The following CLCN6 variants were observed in gnomAD, a reference collection of about 807,000 sequenced individuals.
The protein encoded by CLCN6 is Cl-/H+ antiporter 6, also known as H(+)/Cl(-) exchange transporter 6.
A neutral mutation model predicts 109.8 loss-of-function variants in CLCN6; 70 were observed. The ratio of observed to expected loss-of-function variants is 0.64; its 90% CI spans 0.53 to 0.78. The LOEUF (loss-of-function observed/expected upper bound fraction) is 0.78, where lower values mean the gene tolerates loss of function less well. Among genes scored for constraint, CLCN6 ranks in the 30% least tolerant of loss-of-function variants. CLCN6 has a pLI of 0.00. For missense variants in CLCN6, 984 were observed against 1,142.3 expected (o/e 0.86, Z 2.00); for synonymous variants, 444 against 447.8 (o/e 0.99, Z 0.11).
intron 2 of CLCN6, among the ~76,000 whole-genome samples, chr1:11,812,899 A>G (rs1644620366): frequency 6.6e-6 from 1 of 152,140 alleles, no homozygotes; most frequent in Admixed American, 6.5e-5. Flanking sequence ...AAATGTCATT[A>G]ACCAGGGAAC....
intron 18 of CLCN6, among the ~76,000 whole-genome samples, 153 bp downstream of exon 18, chr1:11,836,306 T>C (rs759471234): frequency 3.9e-5 from 6 of 151,972 alleles, no homozygotes; most frequent in Admixed American, 6.6e-5. Context: ...GGAGAGTAGA[T>C]TTGACAGCAG....
rs1341429574 is a variant in CLCN6, at chr1:11,823,692, G to C, written c.454-15G>C. 6.2e-7 allele frequency: 1 copy of C among 1,614,072 alleles called. No homozygotes were observed. The highest frequency in any genetic ancestry group is 1.3e-5 in the African/African-American group (1 of 75,048). ...TGGATTTCGAGTTATGGGTGTGCCTGCTCTCCTCCATCAGCCGGTGGCAGC... is the reference window on the plus strand; with the variant it reads ...TGGATTTCGAGTTATGGGTGTGCCTCCTCTCCTCCATCAGCCGGTGGCAGC... On this transcript the variant is annotated splice_polypyrimidine_tract_variant and intron_variant, in intron 6 of 22. Coordinates refer to ENST00000346436, the MANE Select transcript of CLCN6 (RefSeq NM_001286.5).
chr1:11,825,369 C>T (rs1644798533), intron 8 of CLCN6, among the ~76,000 whole-genome samples: 2 of 152,218 alleles, frequency 1.3e-5, no homozygotes, highest in Admixed American at 1.3e-4. Flanking sequence ...GTGGAGTGGG[C>T]ATCAGTGTGC....
intron 4 of CLCN6, among the ~76,000 whole-genome samples, chr1:11,817,850 C>T (rs927405133): frequency 4.6e-5 from 7 of 152,120 alleles, no homozygotes; most frequent in African/African-American, 1.4e-4. Flanking sequence ...ATAGTAAATC[C>T]ACAAGTAAAG....
rs1406129224 is a variant in CLCN6 at position 11,842,849 on chromosome 1, C to G, written c.*2626C>G. ...TGCAGAATTATGCACTGACATGACC[C>G]TGGGTGACAGGAAAGCCTTTCGAGA... On this transcript the variant is annotated 3_prime_UTR_variant, in exon 23 of 23. Coordinates refer to ENST00000346436, the MANE Select transcript of CLCN6 (RefSeq NM_001286.5). 4 of 152,292 alleles carry G rather than the reference C, an allele frequency of 2.6e-5. No individual in the cohort carries two copies. The highest frequency in any genetic ancestry group is 1.3e-4 in the Admixed American group (2 of 15,292). The allele number at this position is 152,292 out of a possible 1,614,324, so 9.4% of individuals were successfully genotyped here.
chr1:11,822,690 C>T lies in CLCN6; in HGVS notation c.347-5C>T, dbSNP rs772227762. On this transcript the variant is annotated splice_polypyrimidine_tract_variant and splice_region_variant and intron_variant, in intron 5 of 22. Coordinates refer to ENST00000346436, the MANE Select transcript of CLCN6 (RefSeq NM_001286.5). ...GAACAAGTTTCCTTAACCCAGTTTC[C>T]GCAGCGGTGGAGGAGTGCAGCCAGA... 252 of 1,599,600 alleles carry T rather than the reference C, an allele frequency of 1.6e-4. 3 individuals carry two copies. The South Asian group carries it at 1.6e-3, about 10-fold the overall frequency.
chr1:11,827,623 A>G (rs1295647935), intron 10 of CLCN6, among the ~76,000 whole-genome samples: 3 of 106,138 alleles, frequency 2.8e-5, no homozygotes, highest in African/African-American at 1.2e-4. Context: ...TTTAGTAGAG[A>G]TGGGGCTTCT....
At chr1:11,819,270 A>C (rs1298029276) in intron 4 of CLCN6, among the ~76,000 whole-genome samples, 1 of 151,950 alleles carries the variant, frequency 6.6e-6, no homozygotes, top group Non-Finnish European at 1.5e-5. Flanking sequence ...ACTTAGCTGT[A>C]CTCTCTGCCT....
At chr1:11,825,372 C>G (rs1010683476) in intron 8 of CLCN6, among the ~76,000 whole-genome samples, 1 of 152,234 alleles carries the variant, frequency 6.6e-6, no homozygotes, top group Non-Finnish European at 1.5e-5. Context: ...GAGTGGGCAT[C>G]AGTGTGCACC....
At chr1:11,840,006 C>T (rs1434484745) in intron 22 of CLCN6, 137 bp from the exon 23 acceptor site, 5 of 740,192 alleles carry the variant, frequency 6.8e-6, no homozygotes, top group East Asian at 2.5e-5. Context: ...GCTGTTTATC[C>T]CAATCAAGCT....
At position 11,836,143 on chromosome 1, in the gene CLCN6, T is replaced by C; in HGVS notation, c.1970T>C (p.Ile657Thr). ...GGCAACCAGCTCATCAGCAACAACA[T>C]CAAGTTCAAGGTAAAGAAAACGGCA... Reference protein sequence around the residue: ...MKGNQLISNNIKFKKSSILTR... With the variant: ...MKGNQLISNNTKFKKSSILTR... The change falls in exon 18 of 23, where the codon ATC (isoleucine) becomes ACC (threonine). Residue 657 changes from isoleucine to threonine, a missense_variant. Physicochemically the swap from Ile to Thr is moderately conservative, Grantham distance 89. Transcript: ENST00000346436. 6.2e-7 allele frequency: 1 copy of C among 1,612,340 alleles called. No individual in the cohort carries two copies. Among genetic ancestry groups the C allele is most frequent in the Middle Eastern group, 1.7e-4 (1 of 6,046 alleles).
chr1:11,840,469 C>G lies in CLCN6; in HGVS notation c.*246C>G, dbSNP rs374582976. On this transcript the variant is annotated 3_prime_UTR_variant, in exon 23 of 23. Transcript: ENST00000346436. ...CACTTCCTGCTCCCTGTGTTCCCAC[C>G]CTCCAGTGTTGGCACAGGCCCACCC... 22 of 570,518 alleles carry G rather than the reference C, an allele frequency of 3.9e-5. No individual in the cohort carries two copies. In the African/African-American group the frequency reaches 4.1e-4, roughly 11 times the overall value. The allele number at this position is 570,518 out of a possible 1,614,324, so 35.3% of individuals were successfully genotyped here. A position where few individuals can be genotyped will look rare whatever the true frequency, so the allele number is the denominator to read the frequency against.
chr1:11,817,696 G>A (rs2100618464), intron 4 of CLCN6, among the ~76,000 whole-genome samples: 1 of 152,286 alleles, frequency 6.6e-6, no homozygotes, highest in South Asian at 2.1e-4. Context: ...ACAGCCTGTT[G>A]ACCACCTTTA....
At chr1:11,835,084 G>A (rs111293470) in intron 17 of CLCN6, among the ~76,000 whole-genome samples, 3,686 of 152,326 alleles carry the variant, frequency 0.024, 64 homozygotes, top group Non-Finnish European at 0.038. Flanking sequence ...ACGGGGGCCA[G>A]CAAGCCGTTT....
chr1:11,824,607 G>T (rs1350008851), intron 8 of CLCN6, 54 bp downstream of exon 8: 2 of 1,471,244 alleles, frequency 1.4e-6, no homozygotes, highest in Non-Finnish European at 1.9e-6. Context: ...GGGAGGTCTG[G>T]TTACACTGGG....
chr1:11,831,534 AT>A (rs1309766873), intron 13 of CLCN6, among the ~76,000 whole-genome samples: 1 of 152,048 alleles, frequency 6.6e-6, no homozygotes, highest in Non-Finnish European at 1.5e-5. Context: ...CTTCTAAAAT[AT>A]TTACTGTCTG....
Position 11,819,516 on chromosome 1 carries a change from G to A in CLCN6, c.308G>A (p.Arg103Gln), listed in dbSNP as rs762928853. The A allele has an allele frequency of 4.3e-6, 7 of 1,614,006 alleles. No individual in the cohort carries two copies. Among genetic ancestry groups the A allele is most frequent in the East Asian group, 2.2e-5 (1 of 44,894 alleles). ...GGTCTCTTTGTGGACTTTTTTGTGC[G>A]ACTCTTCACCCAACTCAAGTTCGGA... The part of the protein sequence containing the change: ...LVGLFVDFFV[R>Q]LFTQLKFGVV... Residue 103 changes from arginine (R) to glutamine (Q), a missense_variant, in exon 5 of 23, where the codon CGA becomes CAA. Physicochemically the swap from Arg to Gln is conservative, Grantham distance 43. Coordinates refer to ENST00000346436, the MANE Select transcript of CLCN6 (RefSeq NM_001286.5).
At chr1:11,838,819 T>G (rs1457511914) in intron 22 of CLCN6, 159 bp downstream of exon 22, 1 of 1,066,310 alleles carries the variant, frequency 9.4e-7, no homozygotes, top group East Asian at 2.4e-5. Context: ...TTCCGTGCAC[T>G]CGGGACCCTT....
In CLCN6 at chr1:11,840,271, C is replaced by A; in HGVS notation, c.*48C>A. Reference sequence around the variant, plus strand: ...GTGCTGCCTGGGGAGGCAAATCATGCTCACTCCGGCGGGCACAGCTGGCTG... The same window carrying A: ...GTGCTGCCTGGGGAGGCAAATCATGATCACTCCGGCGGGCACAGCTGGCTG... On this transcript the variant is annotated 3_prime_UTR_variant, in exon 23 of 23. Transcript: ENST00000346436. 6.6e-7 allele frequency: 1 copy of A among 1,505,242 alleles called. No individual in the cohort carries two copies. The highest frequency in any genetic ancestry group is 9.2e-7 in the Non-Finnish European group (1 of 1,087,964). The allele number at this position is 1,505,242 out of a possible 1,614,324, so 93.2% of individuals were successfully genotyped here. A position where few individuals can be genotyped will look rare whatever the true frequency, so the allele number is the denominator to read the frequency against.
Sources: gnomAD v4.1 joint callset for allele counts (sites outside exome capture counted in the v4.1 genomes callset) on GRCh38, gnomAD v4.1.1 for gene constraint, MANE v1.5 for transcripts, NCBI Gene and HGNC (gene_info 2026-07-23, HGNC 2026-07-21) for gene names.